THSD4: variants seen among roughly 807,000 people sequenced by gnomAD.
The protein encoded by THSD4 is thrombospondin type-1 domain-containing protein 4.
THSD4 carries 69 observed loss-of-function variants against 119.0 expected under a neutral mutation model. The ratio of observed to expected loss-of-function variants is 0.58; its 90% CI spans 0.48 to 0.71. The LOEUF is 0.71. Ranked by LOEUF, THSD4 falls within the 30% of genes least tolerant of loss-of-function variation. The pLI, the probability that THSD4 is intolerant of heterozygous loss-of-function variation, is 0.00. For missense variants in THSD4, 1,393 were observed against 1,391.1 expected (o/e 1.00, Z -0.02); for synonymous variants, 524 against 540.4 (o/e 0.97, Z 0.42).
At chr15:71,409,144 G>A (rs533140689) in intron 6 of THSD4, among the ~76,000 whole-genome samples, 1 of 94,698 alleles carries the variant, frequency 1.1e-5, no homozygotes, top group Admixed American at 1.5e-4. Flanking sequence ...CTCACGTTTA[G>A]CTTTTTTTTT....
At chr15:71,295,412 C>A (rs556613285) in intron 6 of THSD4, among the ~76,000 whole-genome samples, 1 of 152,064 alleles carries the variant, frequency 6.6e-6, no homozygotes, top group East Asian at 1.9e-4. Context: ...CAGCTTCCTG[C>A]GAGTTAAGGG....
chr15:71,757,748 A>G, intron 14 of THSD4, 154 bp from the exon 15 acceptor site: 1 of 881,646 alleles, frequency 1.1e-6, no homozygotes, highest in South Asian at 1.7e-5. Flanking sequence ...GATATCTCAT[A>G]ATGGAGTAGG....
chr15:71,702,775 C>G (rs148593476), intron 8 of THSD4, among the ~76,000 whole-genome samples: 8 of 152,330 alleles, frequency 5.3e-5, no homozygotes, highest in African/African-American at 1.7e-4. Flanking sequence ...CACTCAGGCA[C>G]CTCCTTGGAG....
At chr15:71,349,596 G>A (rs1226630590) in intron 6 of THSD4, among the ~76,000 whole-genome samples, 2 of 152,208 alleles carry the variant, frequency 1.3e-5, no homozygotes, top group Non-Finnish European at 2.9e-5. Context: ...GCTCACCTCT[G>A]GGAGGTAGCA....
chr15:71,767,045 C>T (rs778879621), intron 16 of THSD4: 14 of 152,208 alleles, frequency 9.2e-5, no homozygotes, highest in African/African-American at 1.7e-4. Context: ...GAAAATATTT[C>T]GTGTCTTGTT....
rs867688993 is a variant in THSD4, at chr15:71,235,586, T to C, written c.465-7063T>C. 1.2e-3 allele frequency among the ~76,000 whole-genome samples: 184 copies of C among 147,318 alleles called. 1 individual carries two copies. The highest frequency in any genetic ancestry group is 4.0e-3 in the African/African-American group (161 of 40,042). The stretch of plus-strand genomic sequence containing the variant: ...ATGCAAGGAATGCCACCTCTCTCTT[T>C]TTTTTTTTTTTTTTTTTTTGAGACT... On this transcript the variant is annotated intron_variant, in intron 4 of 17. Transcript: ENST00000261862.
In THSD4 at chr15:71,353,584, T is replaced by C. The variant is rs2045771442; in HGVS notation, c.1016-58103T>C. Among the ~76,000 whole-genome samples the C allele has an allele frequency of 1.3e-5, 2 of 152,348 alleles. 1 individual carries two copies. The highest frequency in any genetic ancestry group is 3.9e-4 in the East Asian group (2 of 5,184). On this transcript the variant is annotated intron_variant, in intron 6 of 17. Transcript: ENST00000261862. ...GCTTCCAGGGATCCAGGACACCTTT[T>C]ATATTGTATACAAAATGTTTTCTCT...
intron 1 of THSD4, among the ~76,000 whole-genome samples, chr15:71,140,041 G>C (rs1365746511): frequency 6.6e-6 from 1 of 152,258 alleles, no homozygotes; most frequent in Non-Finnish European, 1.5e-5. Context: ...TTTGTTTAGT[G>C]AGGGCTTCTG....
intron 11 of THSD4, among the ~76,000 whole-genome samples, chr15:71,738,862 C>T (rs753808372): frequency 6.1e-4 from 93 of 152,284 alleles, no homozygotes; most frequent in Middle Eastern, 3.4e-3. Flanking sequence ...CATAAAAAAA[C>T]ACTCTTATCA....
chr15:71,325,252 C>G (rs189284767), intron 6 of THSD4, among the ~76,000 whole-genome samples: 1 of 152,202 alleles, frequency 6.6e-6, no homozygotes, highest in African/African-American at 2.4e-5. Context: ...GGAATCATAT[C>G]TCTCATCCAG....
chr15:71,313,512 A>T (rs2045141358), intron 6 of THSD4, among the ~76,000 whole-genome samples: 1 of 152,212 alleles, frequency 6.6e-6, no homozygotes, highest in Admixed American at 6.5e-5. Context: ...GGAGAGCATT[A>T]GGACACACAG....
chr15:71,419,158 ATTTATT>A, intron 7 of THSD4, among the ~76,000 whole-genome samples: 1 of 104,888 alleles, frequency 9.5e-6, no homozygotes, highest in South Asian at 3.0e-4. Context: ...TTTCAATTTC[ATTTATT>A]TCTGCTCTGA....
At chr15:71,569,033 G>A (rs950427049) in intron 7 of THSD4, among the ~76,000 whole-genome samples, 2 of 152,172 alleles carry the variant, frequency 1.3e-5, no homozygotes, top group African/African-American at 4.8e-5. Context: ...TGTCTCATCT[G>A]AATATGTTTT....
chr15:71,579,389 C>T (rs2049516846), intron 7 of THSD4, among the ~76,000 whole-genome samples: 4 of 152,244 alleles, frequency 2.6e-5, no homozygotes, highest in East Asian at 1.9e-4. Flanking sequence ...TGATCATCTG[C>T]GTAGCAGAAG....
chr15:71,241,680 C>T (rs949159517), intron 4 of THSD4, among the ~76,000 whole-genome samples: 1 of 152,120 alleles, frequency 6.6e-6, no homozygotes, highest in African/African-American at 2.4e-5. Context: ...GAAGTATTTA[C>T]ACCATAGGAG....
chr15:71,393,807 A>G (rs544413929), intron 6 of THSD4, among the ~76,000 whole-genome samples: 18 of 152,330 alleles, frequency 1.2e-4, no homozygotes, highest in African/African-American at 4.3e-4. Flanking sequence ...GAGCAGCTCC[A>G]GGGCCTTCCG....
intron 5 of THSD4, 75 bp downstream of exon 5, chr15:71,243,171 T>C: frequency 6.9e-7 from 1 of 1,453,512 alleles, no homozygotes; most frequent in Non-Finnish European, 9.3e-7. Flanking sequence ...CTAAGCATGA[T>C]GAAGACAGCA....
rs112227010 is a variant in THSD4, at chr15:71,237,216, A to C, written c.465-5433A>C. On this transcript the variant is annotated intron_variant, in intron 4 of 17. Coordinates refer to ENST00000261862, the MANE Select transcript of THSD4 (RefSeq NM_024817.3). The stretch of plus-strand genomic sequence containing the variant: ...TCTTCAGGGGATGGTGGTACTTGGG[A>C]GTAAGACAGAACAGTGGTTCTCACT... Among the ~76,000 whole-genome samples the C allele has an allele frequency of 4.2e-3, 633 of 152,246 alleles. 6 individuals carry two copies. Among genetic ancestry groups the C allele is most frequent in the African/African-American group, 0.014 (600 of 41,550 alleles).
intron 6 of THSD4, among the ~76,000 whole-genome samples, chr15:71,387,067 G>C (rs1318919720): frequency 6.6e-6 from 1 of 152,086 alleles, no homozygotes; most frequent in Non-Finnish European, 1.5e-5. Context: ...TGCAGCCTAT[G>C]GGCATAGGGT....
Sources: gnomAD v4.1 joint callset for allele counts (sites outside exome capture counted in the v4.1 genomes callset) on GRCh38, gnomAD v4.1.1 for gene constraint, MANE v1.5 for transcripts, NCBI Gene and HGNC (gene_info 2026-07-23, HGNC 2026-07-21) for gene names.